ANO3: variants seen among roughly 807,000 people sequenced by gnomAD.
The protein encoded by ANO3 is anoctamin-3.
Under a neutral mutation model 144.8 loss-of-function variants are expected in ANO3, and 99 were observed. The ratio of observed to expected loss-of-function variants is 0.68; its 90% CI spans 0.58 to 0.81. ANO3 has a LOEUF of 0.81. Ranked by LOEUF, ANO3 falls within the 30% of genes least tolerant of loss-of-function variation. The pLI, the probability that ANO3 is intolerant of heterozygous loss-of-function variation, is 0.00. For missense variants in ANO3, 905 were observed against 1,202.2 expected (o/e 0.75, Z 3.66); for synonymous variants, 414 against 392.6 (o/e 1.05, Z -0.64).
At chr11:26,312,450 C>A (rs557696358) in intron 1 of ANO3, among the ~76,000 whole-genome samples, 1 of 152,214 alleles carries the variant, frequency 6.6e-6, no homozygotes, top group Non-Finnish European at 1.5e-5. Flanking sequence ...AACTAGTTTA[C>A]AGTCCCACCA....
chr11:26,581,138 C>G (rs1236209448), intron 14 of ANO3, among the ~76,000 whole-genome samples: 1 of 152,120 alleles, frequency 6.6e-6, no homozygotes, highest in African/African-American at 2.4e-5. Flanking sequence ...AACTTAACCT[C>G]TAAGAGTCTC....
At chr11:26,320,311 C>G (rs189719711) in intron 1 of ANO3, among the ~76,000 whole-genome samples, 3 of 152,116 alleles carry the variant, frequency 2.0e-5, no homozygotes, top group African/African-American at 4.8e-5. Context: ...CCAAGTCTTG[C>G]GCAAATTCTC....
At chr11:26,363,470 A>G (rs528999523) in intron 1 of ANO3, among the ~76,000 whole-genome samples, 1 of 152,082 alleles carries the variant, frequency 6.6e-6, no homozygotes, top group Non-Finnish European at 1.5e-5. Context: ...ATGTCTTCAC[A>G]TGTCCTTTTC....
intron 1 of ANO3, among the ~76,000 whole-genome samples, chr11:26,407,798 C>A (rs1857327656): frequency 6.6e-6 from 1 of 151,784 alleles, no homozygotes; most frequent in Non-Finnish European, 1.5e-5. Context: ...ATGCTTTCCT[C>A]CATAGCCCCA....
At chr11:26,627,117 A>T (rs1251213080) in intron 18 of ANO3, among the ~76,000 whole-genome samples, 1 of 150,780 alleles carries the variant, frequency 6.6e-6, no homozygotes, top group East Asian at 1.9e-4. Flanking sequence ...AAATTCTTTT[A>T]TATATATATA....
intron 14 of ANO3, chr11:26,563,180 C>A: frequency 1.2e-6 from 2 of 1,612,468 alleles, no homozygotes; most frequent in Non-Finnish European, 1.7e-6. Flanking sequence ...TTTTTCCACA[C>A]AACAAGTAGC....
intron 1 of ANO3, among the ~76,000 whole-genome samples, chr11:26,206,783 C>T (rs1268973608): frequency 6.6e-6 from 1 of 152,118 alleles, no homozygotes; most frequent in Admixed American, 6.6e-5. Flanking sequence ...ATGAACATTC[C>T]AGCAAGGAGC....
At chr11:26,277,494 G>A (rs895608748) in intron 1 of ANO3, among the ~76,000 whole-genome samples, 6 of 152,108 alleles carry the variant, frequency 3.9e-5, no homozygotes, top group African/African-American at 9.6e-5. Context: ...CCTTAACACA[G>A]TGTAAATAAA....
At chr11:26,441,106 GT>G (rs1022676698) in intron 1 of ANO3, among the ~76,000 whole-genome samples, 270 of 86,536 alleles carry the variant, frequency 3.1e-3, no homozygotes, top group African/African-American at 6.6e-3. Flanking sequence ...TTGCTGCCCA[GT>G]TTTTTTTTTT....
At chr11:26,302,037 G>T (rs7939895) in intron 1 of ANO3, among the ~76,000 whole-genome samples, 1 of 152,210 alleles carries the variant, frequency 6.6e-6, no homozygotes, top group South Asian at 2.1e-4. Flanking sequence ...AAGGTACTAG[G>T]CAGAGACTGT....
At chr11:26,238,139 T>C (rs1034965426) in intron 1 of ANO3, among the ~76,000 whole-genome samples, 1 of 152,138 alleles carries the variant, frequency 6.6e-6, no homozygotes, top group African/African-American at 2.4e-5. Context: ...TGGGCATGAA[T>C]GCAACACAGA....
intron 14 of ANO3, among the ~76,000 whole-genome samples, chr11:26,569,699 G>A (rs996356819): frequency 4.6e-5 from 7 of 152,076 alleles, no homozygotes; most frequent in Admixed American, 1.3e-4. Flanking sequence ...TTACTTTCGT[G>A]TGTGCTTTCC....
chr11:26,191,965 T>C (rs1851486947), intron 1 of ANO3, among the ~76,000 whole-genome samples: 1 of 152,208 alleles, frequency 6.6e-6, no homozygotes, highest in Non-Finnish European at 1.5e-5. Flanking sequence ...CAATTGTTTG[T>C]GGCTTATGCA....
chr11:26,286,351 G>A (rs1288260932), intron 1 of ANO3, among the ~76,000 whole-genome samples: 1 of 152,090 alleles, frequency 6.6e-6, no homozygotes, highest in Non-Finnish European at 1.5e-5. Flanking sequence ...TTTAGTTCAG[G>A]GGTCTGAATT....
chr11:26,492,674 A>C (rs1860757430), intron 4 of ANO3, among the ~76,000 whole-genome samples: 1 of 152,210 alleles, frequency 6.6e-6, no homozygotes, highest in Non-Finnish European at 1.5e-5. Flanking sequence ...ATTTATCTTC[A>C]TCGCTAGATT....
chr11:26,448,157 G>A (rs867744784), intron 3 of ANO3, among the ~76,000 whole-genome samples: 70 of 152,136 alleles, frequency 4.6e-4, no homozygotes, highest in African/African-American at 1.5e-3. Flanking sequence ...AAATTAGCCG[G>A]GTGTGGTGGC....
chr11:26,411,522 A>G (rs988373521), intron 1 of ANO3, among the ~76,000 whole-genome samples: 1 of 152,028 alleles, frequency 6.6e-6, no homozygotes, highest in Non-Finnish European at 1.5e-5. Flanking sequence ...CACCATGCTA[A>G]GAAAATTTTA....
chr11:26,531,557 GT>G (rs1849371833), intron 8 of ANO3, among the ~76,000 whole-genome samples: 1 of 152,098 alleles, frequency 6.6e-6, no homozygotes. Context: ...ATAATTAATT[GT>G]AGACCTATGG....
At chr11:26,567,146 A>G in intron 14 of ANO3, 1 of 1,395,114 alleles carries the variant, frequency 7.2e-7, no homozygotes, top group Non-Finnish European at 9.4e-7. Flanking sequence ...GAAGCTGGAA[A>G]ATGGAAGAGG....
Sources: allele counts gnomAD v4.1 joint callset (sites outside exome capture counted in the v4.1 genomes callset), GRCh38; gene constraint gnomAD v4.1.1; transcripts MANE v1.5; gene names NCBI Gene and HGNC (gene_info 2026-07-23, HGNC 2026-07-21).